Variants in SLC25A21 observed in about 807,000 individuals in gnomAD.
SLC25A21 encodes solute carrier family 25 member 21, also known as mitochondrial 2-oxodicarboxylate carrier.
A neutral mutation model predicts 43.8 loss-of-function variants in SLC25A21; 47 were observed. That is an observed-to-expected ratio of 1.07 (90% confidence interval 0.85 to 1.37). The LOEUF is 1.37. Among genes scored for constraint, SLC25A21 ranks in the 40% most tolerant of loss-of-function variants. SLC25A21 has a pLI of 0.00. For synonymous variants in SLC25A21, 131 were observed against 121.3 expected, an observed-to-expected ratio of 1.08 and a Z score of -0.52; for missense variants, 352 against 350.2, an observed-to-expected ratio of 1.00 and a Z score of -0.04.
intron 2 of SLC25A21, among the ~76,000 whole-genome samples, chr14:36,822,563 T>A (rs895175106): frequency 6.6e-6 from 1 of 152,200 alleles, no homozygotes; most frequent in African/African-American, 2.4e-5. Context: ...CAGTTTATAA[T>A]TTGAAAAAAT....
intron 2 of SLC25A21, among the ~76,000 whole-genome samples, chr14:36,864,697 A>G (rs1890163671): frequency 6.6e-6 from 1 of 152,220 alleles, no homozygotes; most frequent in Admixed American, 6.5e-5. Context: ...AATCCCAATT[A>G]AAATACAGTT....
rs116569185 is a variant in SLC25A21 at position 37,081,394 on chromosome 14, G to T, written c.70+90887C>A. Among the ~76,000 whole-genome samples, 286 of 152,292 alleles carry T rather than the reference G, an allele frequency of 1.9e-3. 1 individual carries two copies. The highest frequency in any genetic ancestry group is 6.3e-3 in the African/African-American group (261 of 41,538). On this transcript the variant is annotated intron_variant, in intron 1 of 9. Coordinates refer to ENST00000331299, the MANE Select transcript of SLC25A21 (RefSeq NM_030631.4). ...GTGGCAAAGGTGAGTCTCAAGACAT[G>T]ATGCAAACAAAAGGCATGCCACCTA...
chr14:36,727,274 T>C (rs1210665917), intron 5 of SLC25A21, among the ~76,000 whole-genome samples: 2 of 152,226 alleles, frequency 1.3e-5, no homozygotes, highest in Non-Finnish European at 2.9e-5. Flanking sequence ...TTCTCATCTG[T>C]AAAATGGAAA....
intron 1 of SLC25A21, among the ~76,000 whole-genome samples, chr14:36,897,244 ATT>A (rs1891267544): frequency 6.6e-6 from 1 of 151,988 alleles, no homozygotes; most frequent in Non-Finnish European, 1.5e-5. Context: ...ATTTCTTTTT[ATT>A]CTTTTTTCTC....
chr14:37,071,102 C>G (rs1248257231), intron 1 of SLC25A21, among the ~76,000 whole-genome samples: 1 of 152,144 alleles, frequency 6.6e-6, no homozygotes, highest in Non-Finnish European at 1.5e-5. Context: ...AAGCCACATT[C>G]CAAAATGATT....
At chr14:36,942,060 T>C (rs1892573623) in intron 1 of SLC25A21, among the ~76,000 whole-genome samples, 1 of 151,068 alleles carries the variant, frequency 6.6e-6, no homozygotes. Flanking sequence ...ATCACCACTT[T>C]ATATTTATTT....
At chr14:36,820,708 T>C (rs1172088748) in intron 2 of SLC25A21, among the ~76,000 whole-genome samples, 1 of 152,222 alleles carries the variant, frequency 6.6e-6, no homozygotes, top group African/African-American at 2.4e-5. Flanking sequence ...CCTTGCCTTT[T>C]GTATTCTAAA....
At chr14:36,883,791 A>G (rs951423586) in intron 1 of SLC25A21, among the ~76,000 whole-genome samples, 1 of 152,188 alleles carries the variant, frequency 6.6e-6, no homozygotes, top group Non-Finnish European at 1.5e-5. Flanking sequence ...CACGATGATA[A>G]TTTTTTAAAC....
At chr14:37,166,826 A>T (rs1207448944) in intron 1 of SLC25A21, among the ~76,000 whole-genome samples, 1 of 152,208 alleles carries the variant, frequency 6.6e-6, no homozygotes, top group East Asian at 1.9e-4. Flanking sequence ...TGAAGCCATT[A>T]GGCAAACAAT....
intron 1 of SLC25A21, among the ~76,000 whole-genome samples, chr14:36,958,532 A>C (rs1027166481): frequency 6.6e-6 from 1 of 152,170 alleles, no homozygotes; most frequent in African/African-American, 2.4e-5. Context: ...CTTCACAGAG[A>C]TATTAAAAGT....
At chr14:36,728,670 G>A (rs970025624) in intron 5 of SLC25A21, among the ~76,000 whole-genome samples, 4 of 152,186 alleles carry the variant, frequency 2.6e-5, no homozygotes, top group African/African-American at 4.8e-5. Context: ...AAAAATAACA[G>A]ATACTTCTTC....
chr14:36,709,657 T>C (rs1310000054), intron 7 of SLC25A21, among the ~76,000 whole-genome samples: 1 of 152,192 alleles, frequency 6.6e-6, no homozygotes, highest in Non-Finnish European at 1.5e-5. Flanking sequence ...AGTGAAGCAA[T>C]GCCAACAGGT....
chr14:36,711,491 G>C lies in SLC25A21; in HGVS notation c.439-9C>G. On this transcript the variant is annotated splice_polypyrimidine_tract_variant and intron_variant, in intron 6 of 9. Coordinates refer to ENST00000331299, the MANE Select transcript of SLC25A21 (RefSeq NM_030631.4). ...CCCACAGTGGATGGTTGCTGCAGAA[G>C]AGAGAAGCAAGGCCAGAATGATCAT... 3.1e-6 allele frequency: 5 copies of C among 1,612,400 alleles called. No homozygotes were observed. The highest frequency in any genetic ancestry group is 4.2e-6 in the Non-Finnish European group (5 of 1,179,408).
intron 1 of SLC25A21, among the ~76,000 whole-genome samples, chr14:37,023,432 A>G (rs1364404412): frequency 6.6e-6 from 1 of 151,344 alleles, no homozygotes; most frequent in Non-Finnish European, 1.5e-5. Context: ...TAAAAAAAAA[A>G]TCAGTGTTTG....
chr14:37,036,288 T>C (rs1044959161), intron 1 of SLC25A21, among the ~76,000 whole-genome samples: 3 of 152,170 alleles, frequency 2.0e-5, no homozygotes, highest in Non-Finnish European at 4.4e-5. Context: ...ATCAAGAATA[T>C]GAAGTGAAAC....
chr14:36,712,339 C>T (rs925505395), intron 6 of SLC25A21, among the ~76,000 whole-genome samples: 1 of 149,576 alleles, frequency 6.7e-6, no homozygotes, highest in Non-Finnish European at 1.5e-5. Context: ...ACAGGGGAAA[C>T]TGTTCAGTGC....
chr14:36,777,468 GTTAAGA>G, intron 3 of SLC25A21, among the ~76,000 whole-genome samples: 1 of 152,250 alleles, frequency 6.6e-6, no homozygotes, highest in African/African-American at 2.4e-5. Context: ...ATGTAATTAT[GTTAAGA>G]ATCTCAAAAT....
intron 3 of SLC25A21, among the ~76,000 whole-genome samples, chr14:36,765,765 T>C (rs554180025): frequency 6.6e-6 from 1 of 152,268 alleles, no homozygotes; most frequent in African/African-American, 2.4e-5. Context: ...GCCGTTGAAC[T>C]TTCCCTTCTC....
At chr14:36,745,189 C>T (rs529645091) in intron 3 of SLC25A21, among the ~76,000 whole-genome samples, 1 of 152,216 alleles carries the variant, frequency 6.6e-6, no homozygotes, top group East Asian at 1.9e-4. Flanking sequence ...TTTTTTATGG[C>T]TGCATAGTAT....
Sources: gnomAD v4.1 joint callset for allele counts (sites outside exome capture counted in the v4.1 genomes callset) on GRCh38, gnomAD v4.1.1 for gene constraint, MANE v1.5 for transcripts, NCBI Gene and HGNC (gene_info 2026-07-23, HGNC 2026-07-21) for gene names.